The following TSPOAP1 variants were observed in gnomAD, a reference collection of about 807,000 sequenced individuals.
The protein encoded by TSPOAP1 is peripheral-type benzodiazepine receptor-associated protein 1.
Under a neutral mutation model 197.0 loss-of-function variants are expected in TSPOAP1, and 87 were observed. That is an observed-to-expected ratio of 0.44 (90% CI 0.37 to 0.53). The LOEUF (loss-of-function observed/expected upper bound fraction) is 0.53, where lower values mean the gene tolerates loss of function less well. Ranked by LOEUF, TSPOAP1 falls within the 20% of genes least tolerant of loss-of-function variation. TSPOAP1 has a pLI of 0.00. For synonymous variants in TSPOAP1, 913 were observed against 998.9 expected, an observed-to-expected ratio of 0.91 and a Z score of 1.62; for missense variants, 2,174 against 2,411.3, an observed-to-expected ratio of 0.90 and a Z score of 2.06.
In TSPOAP1 at chr17:58,311,123, G is replaced by A. The variant is rs770377774; in HGVS notation, c.3172C>T (p.Arg1058Cys). 14 of 1,603,602 alleles carry A rather than the reference G, an allele frequency of 8.7e-6. No individual in the cohort carries two copies. The highest frequency in any genetic ancestry group is 2.2e-5 in the South Asian group (2 of 89,634). Residue 1058 changes from arginine (R) to cysteine (C), a missense_variant, in exon 19 of 32, where the codon CGC (arginine) becomes TGC (cysteine). Transcript: ENST00000343736. ...LLQVCREVVV[R>C]TMSPHGESAD... The stretch of plus-strand genomic sequence containing the variant: ...GACTCCCCGTGGGGCGACATGGTGC[G>A]CACGACCACCTCACGACACACCTGC...
rs1167601254 is a variant in TSPOAP1 at position 58,324,557 on chromosome 17, G to A, written c.942+254C>T. Among the ~76,000 whole-genome samples, 8 of 152,140 alleles carry A rather than the reference G, an allele frequency of 5.3e-5. No individual in the cohort carries two copies. The highest frequency in any genetic ancestry group is 4.1e-4 in the South Asian group (2 of 4,830). Reference sequence around the variant, plus strand: ...CACTGGCAGCGCGGCAGGGGCGGCCGGCCAGGCCCCGCTGGGCGCAGGCCT... The same window carrying A: ...CACTGGCAGCGCGGCAGGGGCGGCCAGCCAGGCCCCGCTGGGCGCAGGCCT... On this transcript the variant is annotated intron_variant, in intron 5 of 31. Transcript: ENST00000343736. The surrounding 1 kb of genome is among the most constrained non-coding windows in gnomAD (Gnocchi z 5.8).
intron 13 of TSPOAP1, 44 bp from the exon 14 acceptor site, chr17:58,318,496 G>C (rs1203958935): frequency 1.3e-6 from 2 of 1,564,774 alleles, no homozygotes; most frequent in Non-Finnish European, 1.7e-6. Flanking sequence ...GTGGCCTGAG[G>C]AGGGACCAGG....
intron 5 of TSPOAP1, among the ~76,000 whole-genome samples, chr17:58,323,794 G>A (rs542944744): frequency 2.2e-4 from 34 of 152,372 alleles, no homozygotes; most frequent in African/African-American, 8.2e-4. Flanking sequence ...GGACCCACGT[G>A]TGCCCTGGGA....
Position 58,324,757 on chromosome 17 carries a change from TTCCCCCCACC to T in TSPOAP1, c.942+44_942+53del. On this transcript the variant is annotated intron_variant, in intron 5 of 31. Coordinates refer to ENST00000343736, the MANE Select transcript of TSPOAP1 (RefSeq NM_004758.4). This position sits in a 1 kb window ranked among gnomAD's most constrained non-coding sequence, Gnocchi z 5.8. ...GGTGCAGGGGAGATCCCGGTGGTCG[TTCCCCCCACC>T]CATCTGCACGCACCCACACACCTGC... 2 of 1,266,818 alleles carry T rather than the reference TTCCCCCCACC, an allele frequency of 1.6e-6. No homozygotes were observed. Among genetic ancestry groups the T allele is most frequent in the East Asian group, 3.0e-5 (1 of 33,416 alleles). 78.5% of individuals were successfully genotyped at this position (1,266,818 alleles called of 1,614,324 possible).
chr17:58,326,385 G>A lies in TSPOAP1; in HGVS notation c.478C>T (p.Arg160Trp), dbSNP rs553952398. The A allele has an allele frequency of 8.7e-6, 14 of 1,613,874 alleles. 1 individual carries two copies. The highest frequency in any genetic ancestry group is 4.0e-5 in the African/African-American group (3 of 75,018). The change falls in exon 3 of 32, where the codon CGG (arginine) becomes TGG (tryptophan). Residue 160 changes from arginine (R) to tryptophan (W), a missense_variant. This residue lies in a region of TSPOAP1 where 1,933 missense variants were observed against 2,139.0 expected (regional missense o/e 0.90). Transcript: ENST00000343736. The surrounding 1 kb of genome is among the most constrained non-coding windows in gnomAD (Gnocchi z 4.7). ...TCGGCGTTCTTCCTCTTCAGCCTCC[G>A]CACCTTCTCTTCTGTCTCAGGGAAG... ...SSFPETEEKVRRLKRKNAELA... is the reference protein window; with the variant it reads ...SSFPETEEKVWRLKRKNAELA...
In TSPOAP1 at chr17:58,305,469, C is replaced by T. The variant is rs765932411; in HGVS notation, c.5362-11G>A. 17 of 1,613,820 alleles carry T rather than the reference C, an allele frequency of 1.1e-5. 1 individual carries two copies. In the South Asian group the frequency reaches 1.6e-4, roughly 16 times the overall value. On this transcript the variant is annotated splice_polypyrimidine_tract_variant and intron_variant, in intron 28 of 31. Coordinates refer to ENST00000343736, the MANE Select transcript of TSPOAP1 (RefSeq NM_004758.4). ...GAAGGGCAGCTCTGCCTGTGGAAAA[C>T]AAGAGGAGGGCATCAGGCCCAGGAA... is the stretch of plus-strand genomic sequence containing the variant.
In TSPOAP1 at chr17:58,310,169, T is replaced by A. The variant is rs775598326; in HGVS notation, c.3700-11A>T. 1 of 1,609,534 alleles carries A rather than the reference T, an allele frequency of 6.2e-7. No homozygotes were observed. Among genetic ancestry groups the A allele is most frequent in the Non-Finnish European group, 8.5e-7 (1 of 1,178,734 alleles). The stretch of plus-strand genomic sequence containing the variant: ...TGCTGTGTCCTCCTTCTGCAAGAAG[T>A]GAGGCAAGGCAGGAGAGATAAGGAC... On this transcript the variant is annotated splice_polypyrimidine_tract_variant and intron_variant, in intron 20 of 31. Transcript: ENST00000343736.
intron 16 of TSPOAP1, among the ~76,000 whole-genome samples, chr17:58,313,526 G>A (rs1341429267): frequency 6.6e-6 from 1 of 151,752 alleles, no homozygotes; most frequent in African/African-American, 2.4e-5. Context: ...TGGAAGGATT[G>A]CTTGAGCCCG....
chr17:58,318,600 T>C (rs951358392), intron 13 of TSPOAP1, 148 bp from the exon 14 acceptor site: 7 of 755,086 alleles, frequency 9.3e-6, no homozygotes, highest in African/African-American at 5.3e-5. Context: ...ACTTACTAAA[T>C]AGAGGTATAG....
chr17:58,302,517 A>G (rs991034231), intron 31 of TSPOAP1, 70 bp from the exon 32 acceptor site: 1 of 1,127,282 alleles, frequency 8.9e-7, no homozygotes. Flanking sequence ...CATTTTTTCC[A>G]CAGCCTAAGG....
rs1166220576 is a variant in TSPOAP1, at chr17:58,317,226, GA to G, written c.1873-687del. ...AAACAAACAAACAAACAAAAACAAA[GA>G]AAAAAGAAACCCCTCAGCAAAGCAC... On this transcript the variant is annotated intron_variant, in intron 14 of 31. Transcript: ENST00000343736. Among the ~76,000 whole-genome samples, 6 of 151,970 alleles carry G rather than the reference GA, an allele frequency of 3.9e-5. No homozygotes were observed. In the East Asian group the frequency reaches 1.2e-3, roughly 29 times the overall value.
chr17:58,311,782 C>T, intron 17 of TSPOAP1, 60 bp from the exon 18 acceptor site: 5 of 1,508,050 alleles, frequency 3.3e-6, no homozygotes, highest in Non-Finnish European at 4.4e-6. Context: ...GAGATACCTG[C>T]CCAATTTGCT....
intron 10 of TSPOAP1, 49 bp from the exon 11 acceptor site, chr17:58,320,630 G>A: frequency 7.3e-7 from 1 of 1,366,912 alleles, no homozygotes; most frequent in Non-Finnish European, 9.5e-7. Context: ...AAGGAATGGG[G>A]TGGAGTAGAG....
intron 11 of TSPOAP1, 95 bp from the exon 12 acceptor site, chr17:58,320,224 T>TG: frequency 6.9e-7 from 1 of 1,442,392 alleles, no homozygotes; most frequent in Non-Finnish European, 9.7e-7. Context: ...CCTAAGTGGA[T>TG]ATCATCCAGT....
chr17:58,327,904 G>GT lies in TSPOAP1; in HGVS notation c.16dup (p.Thr6AsnfsTer21). 1.2e-6 allele frequency: 2 copies of GT among 1,600,788 alleles called. No homozygotes were observed. The highest frequency in any genetic ancestry group is 1.7e-6 in the Non-Finnish European group (2 of 1,170,474). On this transcript the variant is annotated frameshift_variant, in exon 1 of 32. Transcript: ENST00000343736. LOFTEE classifies it high-confidence loss of function. The stretch of plus-strand genomic sequence containing the variant: ...TCCAGGGTCCCCAGGCCGTGGGAGG[G>GT]TTGTCAGTTGCTCCATGGTACTGCC...
chr17:58,313,073 A>G (rs533997672), intron 16 of TSPOAP1, among the ~76,000 whole-genome samples: 1 of 152,350 alleles, frequency 6.6e-6, no homozygotes, highest in South Asian at 2.1e-4. Context: ...AGCTGCAAGG[A>G]TGGAGGAGAA....
Position 58,307,750 on chromosome 17 carries a change from C to T in TSPOAP1, c.4844G>A (p.Ser1615Asn), listed in dbSNP as rs772759180. 1 of 1,614,150 alleles carries T rather than the reference C, an allele frequency of 6.2e-7. No homozygotes were observed. Among genetic ancestry groups the T allele is most frequent in the African/African-American group, 1.3e-5 (1 of 75,072 alleles). The change falls in exon 24 of 32, where the codon AGC becomes AAC. Residue 1615 changes from serine (S) to asparagine (N), a missense_variant. Physicochemically the swap from Ser to Asn is conservative, Grantham distance 46. This residue lies in a region of TSPOAP1 where 1,933 missense variants were observed against 2,139.0 expected (regional missense o/e 0.90). Coordinates refer to ENST00000343736, the MANE Select transcript of TSPOAP1 (RefSeq NM_004758.4). ...CTGGTAAGCCAGTGTTTCTGAGGGG[C>T]TCCTCGCAGGGACTGTGGAGACAGT... ...PSTAELVPAR[S>N]PSETLAYQHL...
intron 29 of TSPOAP1, 68 bp from the exon 30 acceptor site, chr17:58,305,239 G>A: frequency 6.7e-7 from 1 of 1,485,240 alleles, no homozygotes; most frequent in South Asian, 1.1e-5. Flanking sequence ...CGACTCTGAT[G>A]CCCCTGGGGA....
Position 58,305,883 on chromosome 17 carries a change from C to T in TSPOAP1, c.5225-18G>A, listed in dbSNP as rs760855119. The T allele has an allele frequency of 1.9e-6, 3 of 1,611,482 alleles. No homozygotes were observed. Among genetic ancestry groups the T allele is most frequent in the Non-Finnish European group, 2.5e-6 (3 of 1,179,592 alleles). ...CGACTCAGCTGTGGAAAGAATGTGC[C>T]TGTGAGCCCCCTCCCACCCTGCCCA... On this transcript the variant is annotated intron_variant, in intron 26 of 31. Transcript: ENST00000343736.
Sources: allele counts gnomAD v4.1 joint callset (sites outside exome capture counted in the v4.1 genomes callset), GRCh38; gene constraint gnomAD v4.1.1; regional missense constraint gnomAD v4.1.1; non-coding constraint Gnocchi (gnomAD v3.1); transcripts MANE v1.5; gene names NCBI Gene and HGNC (gene_info 2026-07-23, HGNC 2026-07-21).